Variants in PTGR1 observed in about 807,000 individuals in gnomAD.
PTGR1 encodes 15-oxoprostaglandin 13-reductase.
PTGR1 carries 23 observed loss-of-function variants against 37.7 expected under a neutral mutation model. The observed-to-expected ratio is 0.61, with a 90% CI of 0.44 to 0.86. PTGR1 has a LOEUF of 0.86. Ranked by LOEUF, PTGR1 falls within the 40% of genes least tolerant of loss-of-function variation. The pLI is 0.00. For missense variants in PTGR1, 351 were observed against 394.3 expected (o/e 0.89, Z 0.93); for synonymous variants, 134 against 140.0 (o/e 0.96, Z 0.30).
At chr9:111,597,798 C>T (rs959917638) in intron 1 of PTGR1, among the ~76,000 whole-genome samples, 5 of 152,176 alleles carry the variant, frequency 3.3e-5, no homozygotes, top group African/African-American at 1.2e-4. Flanking sequence ...TGAACAGTTA[C>T]CGGAAGTGCG....
At chr9:111,568,787 G>T (rs538402544) in intron 9 of PTGR1, among the ~76,000 whole-genome samples, 29 of 152,254 alleles carry the variant, frequency 1.9e-4, no homozygotes, top group Non-Finnish European at 3.7e-4. Context: ...ATGAAAAATA[G>T]AAAGAACCTA....
intron 8 of PTGR1, among the ~76,000 whole-genome samples, chr9:111,572,779 A>AAT: frequency 6.7e-6 from 1 of 150,134 alleles, no homozygotes; most frequent in Non-Finnish European, 1.5e-5. Flanking sequence ...AAAAAAAAAA[A>AAT]ATTAAAAAAT....
intron 5 of PTGR1, among the ~76,000 whole-genome samples, chr9:111,585,056 TA>T (rs879301942): frequency 1.5e-4 from 22 of 147,032 alleles, no homozygotes; most frequent in East Asian, 2.0e-4. Context: ...ATTTCTGCAT[TA>T]AAAAAAAAAA....
intron 7 of PTGR1, among the ~76,000 whole-genome samples, chr9:111,576,119 A>T (rs1829042125): frequency 6.6e-6 from 1 of 151,818 alleles, no homozygotes; most frequent in South Asian, 2.1e-4. Flanking sequence ...GTCATCACAT[A>T]CTGCACTCCA....
chr9:111,578,694 T>C (rs1292353515), intron 7 of PTGR1, 102 bp downstream of exon 7: 4 of 1,018,294 alleles, frequency 3.9e-6, no homozygotes, highest in Non-Finnish European at 5.5e-6. Flanking sequence ...CAGTTCCTGA[T>C]AGGCTATGGA....
At chr9:111,554,578 G>A (rs1589284455) in intron 9 of PTGR1, among the ~76,000 whole-genome samples, 1 of 152,182 alleles carries the variant, frequency 6.6e-6, no homozygotes, top group East Asian at 1.9e-4. Flanking sequence ...TTGTCAGTCT[G>A]ATAACCCAAG....
intron 9 of PTGR1, among the ~76,000 whole-genome samples, chr9:111,551,903 C>T (rs1194382983): frequency 1.3e-5 from 2 of 152,126 alleles, no homozygotes; most frequent in Non-Finnish European, 2.9e-5. Context: ...TATCATTCTT[C>T]AGATTTTGCT....
chr9:111,551,400 G>T (rs7468824), intron 9 of PTGR1, among the ~76,000 whole-genome samples: 869 of 74,670 alleles, frequency 0.012, 19 homozygotes, highest in East Asian at 0.017. Flanking sequence ...TCCAGTTTTT[G>T]TTTTTTTTTT....
At chr9:111,558,490 C>T (rs984649455), downstream of PTGR1, among the ~76,000 whole-genome samples, 15 of 152,088 alleles carry the variant, frequency 9.9e-5, no homozygotes, top group African/African-American at 2.9e-4. Context: ...TCAGCCTGGA[C>T]AACATAGCAA....
At chr9:111,574,298 T>C (rs1238051569) in intron 8 of PTGR1, 1 of 152,212 alleles carries the variant, frequency 6.6e-6, no homozygotes, top group Non-Finnish European at 1.5e-5. Context: ...TATAAGCTGA[T>C]TTAGCACAAA....
At chr9:111,596,520 G>A (rs1829784477) in intron 2 of PTGR1, among the ~76,000 whole-genome samples, 1 of 151,924 alleles carries the variant, frequency 6.6e-6, no homozygotes, top group African/African-American at 2.4e-5. Flanking sequence ...GGAGGCCGAG[G>A]CAGGTGGATC....
At chr9:111,560,897 C>T (rs1483424782), downstream of PTGR1, among the ~76,000 whole-genome samples, 1 of 142,232 alleles carries the variant, frequency 7.0e-6, no homozygotes, top group African/African-American at 2.6e-5. Flanking sequence ...GAGTGGAGAT[C>T]GCACCACTGC....
intron 1 of PTGR1, among the ~76,000 whole-genome samples, chr9:111,598,412 T>A (rs954962363): frequency 6.6e-6 from 1 of 152,184 alleles, no homozygotes; most frequent in Non-Finnish European, 1.5e-5. Context: ...CACGGTGACC[T>A]GGAGGGAGCA....
chr9:111,579,995 C>T (rs1330122342), intron 6 of PTGR1, among the ~76,000 whole-genome samples: 2 of 152,190 alleles, frequency 1.3e-5, no homozygotes, highest in African/African-American at 4.8e-5. Context: ...AATCTCTGTA[C>T]AAATAGTGAC....
At chr9:111,555,735 G>A (rs1410637793) in intron 9 of PTGR1, among the ~76,000 whole-genome samples, 1 of 152,154 alleles carries the variant, frequency 6.6e-6, no homozygotes, top group Non-Finnish European at 1.5e-5. Flanking sequence ...ACTATCATGA[G>A]AACAACAGGA....
Position 111,578,863 on chromosome 9 carries a change from G to A in PTGR1, c.584C>T (p.Thr195Met), listed in dbSNP as rs534351470. Reference sequence around the variant, plus strand: ...CAAGGTTTCTTCCAAAGACTCTACCGTCTTGTAGTTAAAGACGACATCAAA... The same window carrying A: ...CAAGGTTTCTTCCAAAGACTCTACCATCTTGTAGTTAAAGACGACATCAAA... ...LGFDVVFNYK[T>M]VESLEETLKK... Residue 195 changes from threonine to methionine, a missense_variant, in exon 7 of 10, where the codon ACG becomes ATG. Thr to Met is a moderately conservative substitution (Grantham distance 81). Coordinates refer to ENST00000407693, the MANE Select transcript of PTGR1 (RefSeq NM_001146108.2). 18 of 1,612,386 alleles carry A rather than the reference G, an allele frequency of 1.1e-5. No homozygotes were observed. Among genetic ancestry groups the A allele is most frequent in the East Asian group, 8.9e-5 (4 of 44,836 alleles).
chr9:111,583,729 C>T (rs1589313492), intron 5 of PTGR1, 140 bp from the exon 6 acceptor site: 1 of 660,872 alleles, frequency 1.5e-6, no homozygotes, highest in East Asian at 2.7e-5. Flanking sequence ...TAAATATTGC[C>T]AGCCACTGTT....
chr9:111,572,756 C>CAAAAAAAA (rs58101079), intron 8 of PTGR1, among the ~76,000 whole-genome samples: 18 of 63,428 alleles, frequency 2.8e-4, no homozygotes, highest in African/African-American at 4.6e-4. Flanking sequence ...GACCCTGTCT[C>CAAAAAAAA]AAAAAAAAAA....
At chr9:111,578,618 G>A (rs1160917415) in intron 7 of PTGR1, among the ~76,000 whole-genome samples, 178 bp downstream of exon 7, 2 of 152,150 alleles carry the variant, frequency 1.3e-5, no homozygotes, top group Non-Finnish European at 2.9e-5. Flanking sequence ...GGAGCAATGG[G>A]GAAGGGCTGT....
Sources: gnomAD v4.1 joint callset for allele counts (sites outside exome capture counted in the v4.1 genomes callset) on GRCh38, gnomAD v4.1.1 for gene constraint, MANE v1.5 for transcripts, NCBI Gene and HGNC (gene_info 2026-07-23, HGNC 2026-07-21) for gene names.